The following ST6GAL1 variants were observed in gnomAD, a reference collection of about 807,000 sequenced individuals.
ST6GAL1 encodes the protein beta-galactoside alpha-2,6-sialyltransferase 1.
ST6GAL1 carries 20 observed loss-of-function variants against 38.0 expected under a neutral mutation model. That is an observed-to-expected ratio of 0.53 (90% CI 0.37 to 0.77). ST6GAL1 has a LOEUF of 0.77. Ranked by LOEUF, ST6GAL1 falls within the 30% of genes least tolerant of loss-of-function variation. ST6GAL1 has a pLI of 0.00. For synonymous variants in ST6GAL1, 196 were observed against 188.2 expected, an observed-to-expected ratio of 1.04 and a Z score of -0.34; for missense variants, 432 against 496.4, an observed-to-expected ratio of 0.87 and a Z score of 1.23.
chr3:186,969,004 G>A (rs1013252643), intron 2 of ST6GAL1, among the ~76,000 whole-genome samples: 1 of 150,520 alleles, frequency 6.6e-6, no homozygotes, highest in South Asian at 2.1e-4. Flanking sequence ...GCCAACACTT[G>A]GTATGATCTA....
intron 2 of ST6GAL1, among the ~76,000 whole-genome samples, chr3:187,016,826 G>A (rs946522020): frequency 1.3e-5 from 2 of 152,202 alleles, no homozygotes; most frequent in Admixed American, 6.5e-5. Context: ...CCAAGAGATT[G>A]AGCTGCAGCC....
intron 2 of ST6GAL1, among the ~76,000 whole-genome samples, chr3:186,969,716 C>A (rs1715283481): frequency 6.6e-6 from 1 of 152,064 alleles, no homozygotes; most frequent in Admixed American, 6.6e-5. Flanking sequence ...GAGCGGTGAT[C>A]TCAGGATGGG....
At chr3:187,072,526 C>T (rs1189359097) in intron 5 of ST6GAL1, 7 of 358,306 alleles carry the variant, frequency 2.0e-5, no homozygotes, top group Non-Finnish European at 3.8e-5. Flanking sequence ...ACTCTTGTGA[C>T]CACCACACAA....
intron 4 of ST6GAL1, among the ~76,000 whole-genome samples, chr3:187,045,972 C>T (rs554388538): frequency 2.4e-4 from 37 of 152,284 alleles, no homozygotes; most frequent in Non-Finnish European, 4.4e-4. Flanking sequence ...TAGGCATTAG[C>T]TCTTAGAGAA....
rs369645683 is a variant in ST6GAL1 at position 187,066,598 on chromosome 3, G to A, written c.706-6251G>A. ...TGGTAATATCTGAAGATGTGCGTGC[G>A]TGCGTGTGTGTGTGTGTGTGTGTGT... is the stretch of plus-strand genomic sequence containing the variant. On this transcript the variant is annotated intron_variant, in intron 5 of 7. Coordinates refer to ENST00000169298, the MANE Select transcript of ST6GAL1 (RefSeq NM_173216.2). Among the ~76,000 whole-genome samples the A allele has an allele frequency of 1.1e-3, 95 of 88,548 alleles. 1 individual carries two copies. The highest frequency in any genetic ancestry group is 3.4e-3 in the African/African-American group (88 of 25,936). 58.1% of individuals were successfully genotyped at this position (88,548 alleles called of 152,430 possible). A position where few individuals can be genotyped will look rare whatever the true frequency, so the allele number is the denominator to read the frequency against.
intron 1 of ST6GAL1, among the ~76,000 whole-genome samples, chr3:186,948,451 G>A (rs943917667): frequency 2.0e-5 from 3 of 152,138 alleles, no homozygotes; most frequent in Admixed American, 6.6e-5. Context: ...GGCACCTGAC[G>A]TTTGCTCCGG....
intron 2 of ST6GAL1, among the ~76,000 whole-genome samples, chr3:186,995,403 G>A (rs139971646): frequency 0.014 from 2,069 of 151,602 alleles, 46 homozygotes; most frequent in African/African-American, 0.048. Flanking sequence ...CTACTTGGGA[G>A]GCTGAGGCAG....
intron 1 of ST6GAL1, among the ~76,000 whole-genome samples, chr3:186,949,332 A>G (rs1369159233): frequency 6.6e-6 from 1 of 152,198 alleles, no homozygotes; most frequent in Non-Finnish European, 1.5e-5. Flanking sequence ...AGTCTGCCTC[A>G]GGGATTGCCT....
chr3:187,062,666 C>T (rs1403535948), intron 5 of ST6GAL1, among the ~76,000 whole-genome samples: 1 of 151,464 alleles, frequency 6.6e-6, no homozygotes, highest in Non-Finnish European at 1.5e-5. Flanking sequence ...TGGGGAGTTA[C>T]TGTTTAATGA....
intron 1 of ST6GAL1, among the ~76,000 whole-genome samples, chr3:186,946,170 G>A (rs1714360813): frequency 6.6e-6 from 1 of 151,666 alleles, no homozygotes; most frequent in African/African-American, 2.4e-5. Context: ...TTTTGTACTG[G>A]GCATGGTGGC....
chr3:186,978,589 G>A (rs1002751235), intron 2 of ST6GAL1, among the ~76,000 whole-genome samples: 1 of 152,190 alleles, frequency 6.6e-6, no homozygotes, highest in Non-Finnish European at 1.5e-5. Context: ...CTTTATTCAC[G>A]GAAATGGCCC....
chr3:187,053,422 A>G (rs1718582658), intron 5 of ST6GAL1, among the ~76,000 whole-genome samples: 2 of 152,126 alleles, frequency 1.3e-5, no homozygotes, highest in African/African-American at 4.8e-5. Flanking sequence ...CAGGGTTTTT[A>G]TGGTTTTAGG....
rs964259592 is a variant in ST6GAL1, at chr3:187,022,856, T to TA, written c.-182-15880dup. Among the ~76,000 whole-genome samples the TA allele has an allele frequency of 1.0e-3, 158 of 152,326 alleles. 2 individuals are homozygous for TA. Among genetic ancestry groups the TA allele is most frequent in the African/African-American group, 3.6e-3 (148 of 41,568 alleles). On this transcript the variant is annotated intron_variant, in intron 2 of 7. Transcript: ENST00000169298. ...GTAAGCCACATTTTACTGGGTTAAT[T>TA]AAAAAACCCATTTAATGAGACTGTA...
At chr3:186,943,413 A>G (rs1714247244) in intron 1 of ST6GAL1, among the ~76,000 whole-genome samples, 1 of 152,202 alleles carries the variant, frequency 6.6e-6, no homozygotes, top group African/African-American at 2.4e-5. Flanking sequence ...GAATTTTCAT[A>G]ACACTGCATA....
chr3:186,942,583 A>G (rs561280035), intron 1 of ST6GAL1, among the ~76,000 whole-genome samples: 3 of 152,092 alleles, frequency 2.0e-5, no homozygotes, highest in Non-Finnish European at 4.4e-5. Flanking sequence ...GAGGGCACCC[A>G]CCGTGTTTAA....
chr3:187,057,369 T>C (rs952239600), intron 5 of ST6GAL1, among the ~76,000 whole-genome samples: 5 of 152,236 alleles, frequency 3.3e-5, no homozygotes, highest in African/African-American at 1.2e-4. Context: ...TGCGATCCTT[T>C]GGAGGCAAAG....
intron 2 of ST6GAL1, among the ~76,000 whole-genome samples, chr3:186,968,880 G>A (rs942153768): frequency 5.3e-5 from 8 of 152,166 alleles, no homozygotes; most frequent in African/African-American, 1.7e-4. Flanking sequence ...GCTGGGTCAT[G>A]TGGTGGGCGT....
intron 2 of ST6GAL1, among the ~76,000 whole-genome samples, chr3:187,007,120 T>C (rs1209236697): frequency 1.3e-5 from 2 of 151,698 alleles, no homozygotes; most frequent in Admixed American, 6.6e-5. Context: ...GAGTACTGGG[T>C]TCAAAACTTG....
At chr3:187,054,491 G>T (rs1469268742) in intron 5 of ST6GAL1, among the ~76,000 whole-genome samples, 1 of 152,184 alleles carries the variant, frequency 6.6e-6, no homozygotes, top group Non-Finnish European at 1.5e-5. Flanking sequence ...CTAGTTCATT[G>T]AGAGTTTTTA....
Sources: allele counts gnomAD v4.1 joint callset (sites outside exome capture counted in the v4.1 genomes callset), GRCh38; gene constraint gnomAD v4.1.1; transcripts MANE v1.5; gene names NCBI Gene and HGNC (gene_info 2026-07-23, HGNC 2026-07-21).